CTNNBL1: variants seen among roughly 807,000 people sequenced by gnomAD.
CTNNBL1 encodes the protein beta-catenin-like protein 1.
A neutral mutation model predicts 72.7 loss-of-function variants in CTNNBL1; 31 were observed. The observed-to-expected ratio is 0.43, with a 90% CI of 0.32 to 0.58. The LOEUF is 0.58. CTNNBL1 is among the 20% of genes least tolerant of loss of function. The probability of loss-of-function intolerance (pLI) is 0.08; values close to 1 mark genes in which losing one functional copy is unlikely to be tolerated. For synonymous variants in CTNNBL1, 240 were observed against 267.3 expected (o/e 0.90, Z 1.00); for missense variants, 534 against 725.1 (o/e 0.74, Z 3.03).
chr20:37,818,712 A>G (rs987622282), intron 11 of CTNNBL1, among the ~76,000 whole-genome samples: 5 of 152,236 alleles, frequency 3.3e-5, no homozygotes, highest in African/African-American at 1.2e-4. Context: ...AATCAGAATC[A>G]CAGGAATCAG....
intron 11 of CTNNBL1, among the ~76,000 whole-genome samples, chr20:37,812,497 C>G (rs1285442875): frequency 1.3e-5 from 2 of 152,208 alleles, no homozygotes; most frequent in African/African-American, 2.4e-5. Flanking sequence ...CCTGGTTATA[C>G]TAGCACTTTT....
At chr20:37,752,453 A>G (rs2073328007) in intron 4 of CTNNBL1, among the ~76,000 whole-genome samples, 1 of 152,212 alleles carries the variant, frequency 6.6e-6, no homozygotes, top group Admixed American at 6.5e-5. Context: ...CATTTATTGC[A>G]TTAATCAGTT....
chr20:37,820,509 C>T (rs542446364), intron 11 of CTNNBL1, among the ~76,000 whole-genome samples: 1 of 152,276 alleles, frequency 6.6e-6, no homozygotes, highest in African/African-American at 2.4e-5. Context: ...CGTGTCTCAA[C>T]CCAAATCTCA....
Position 37,866,328 on chromosome 20 carries a change from A to G in CTNNBL1, c.1604-5597A>G, listed in dbSNP as rs115404355. Among the ~76,000 whole-genome samples the G allele has an allele frequency of 6.0e-3, 919 of 152,292 alleles. 8 individuals are homozygous for G. Among genetic ancestry groups the G allele is most frequent in the African/African-American group, 0.021 (872 of 41,558 alleles). On this transcript the variant is annotated intron_variant, in intron 15 of 15. Transcript: ENST00000361383. ...TGGTGGTATGCAGGGGTCGGGGGGA[A>G]CCACTCTTGGAGAACCAACTGTGCT...
intron 5 of CTNNBL1, 124 bp from the exon 6 acceptor site, chr20:37,765,073 A>G: frequency 8.6e-6 from 6 of 698,646 alleles, no homozygotes; most frequent in Non-Finnish European, 1.5e-5. Context: ...CTTGTAAACC[A>G]TAGATTGCTG....
chr20:37,706,245 C>T (rs956930876), intron 1 of CTNNBL1, among the ~76,000 whole-genome samples: 4 of 152,132 alleles, frequency 2.6e-5, no homozygotes, highest in Non-Finnish European at 2.9e-5. Flanking sequence ...CTTAAGACAA[C>T]GATGAAGTCT....
At chr20:37,836,601 A>G (rs2072256640) in intron 11 of CTNNBL1, among the ~76,000 whole-genome samples, 1 of 152,110 alleles carries the variant, frequency 6.6e-6, no homozygotes, top group South Asian at 2.1e-4. Context: ...TGCCTCCCTC[A>G]GTAATGGAAC....
At chr20:37,845,215 T>A (rs1187948834) in intron 13 of CTNNBL1, among the ~76,000 whole-genome samples, 1 of 152,172 alleles carries the variant, frequency 6.6e-6, no homozygotes, top group Non-Finnish European at 1.5e-5. Flanking sequence ...TTATTTGAGG[T>A]GCAGCTTAGA....
intron 3 of CTNNBL1, among the ~76,000 whole-genome samples, chr20:37,740,128 C>A (rs2073202724): frequency 6.6e-6 from 1 of 151,942 alleles, no homozygotes; most frequent in Non-Finnish European, 1.5e-5. Context: ...TCCATTCAGA[C>A]AAAATGTATA....
intron 1 of CTNNBL1, among the ~76,000 whole-genome samples, chr20:37,710,538 T>C (rs2072928162): frequency 6.6e-6 from 1 of 152,182 alleles, no homozygotes; most frequent in Admixed American, 6.5e-5. Context: ...ATATTTTCCA[T>C]GTTGCTTTTC....
intron 7 of CTNNBL1, among the ~76,000 whole-genome samples, chr20:37,771,685 T>C (rs2073525823): frequency 6.6e-6 from 1 of 152,170 alleles, no homozygotes; most frequent in African/African-American, 2.4e-5. Flanking sequence ...CTCTCTTCCA[T>C]TCGTATTTCT....
At chr20:37,819,007 T>C (rs562978271) in intron 11 of CTNNBL1, among the ~76,000 whole-genome samples, 1 of 152,338 alleles carries the variant, frequency 6.6e-6, no homozygotes, top group East Asian at 1.9e-4. Flanking sequence ...TTTCTTACAA[T>C]TCACTTTGCT....
At chr20:37,834,075 G>A (rs2072234712) in intron 11 of CTNNBL1, among the ~76,000 whole-genome samples, 1 of 152,182 alleles carries the variant, frequency 6.6e-6, no homozygotes, top group Non-Finnish European at 1.5e-5. Flanking sequence ...TACCATTGCA[G>A]TTGATCATGG....
chr20:37,841,302 C>T (rs777080534), intron 12 of CTNNBL1, among the ~76,000 whole-genome samples: 3 of 152,180 alleles, frequency 2.0e-5, no homozygotes, highest in Non-Finnish European at 4.4e-5. Context: ...GGTTAGGACA[C>T]GGAGATCTTA....
At chr20:37,839,666 G>T (rs1277612267) in intron 11 of CTNNBL1, among the ~76,000 whole-genome samples, 1 of 152,112 alleles carries the variant, frequency 6.6e-6, no homozygotes, top group Non-Finnish European at 1.5e-5. Context: ...TTAATTCCAG[G>T]CTGTTTACTT....
At position 37,779,086 on chromosome 20, in the gene CTNNBL1, T is replaced by G. The variant is rs1023190928; in HGVS notation, c.883-101T>G. 24 of 1,156,840 alleles carry G rather than the reference T, an allele frequency of 2.1e-5. No homozygotes were observed. The Admixed American group carries it at 4.3e-4, about 21-fold the overall frequency. The allele number at this position is 1,156,840 out of a possible 1,614,324, so 71.7% of individuals were successfully genotyped here. A position where few individuals can be genotyped will look rare whatever the true frequency, so the allele number is the denominator to read the frequency against. ...GTTTGGTGAGCTTCTGTTTCCTCAG[T>G]CGTAGAGTTATGACCCACAGGTTTT... On this transcript the variant is annotated intron_variant, in intron 9 of 15. Transcript: ENST00000361383.
At chr20:37,711,770 A>G (rs2072940060) in intron 1 of CTNNBL1, among the ~76,000 whole-genome samples, 1 of 151,920 alleles carries the variant, frequency 6.6e-6, no homozygotes, top group South Asian at 2.1e-4. Context: ...TGGGACTGGC[A>G]GTAAAGATCA....
intron 4 of CTNNBL1, among the ~76,000 whole-genome samples, chr20:37,747,252 G>A (rs1281058383): frequency 6.6e-6 from 1 of 152,012 alleles, no homozygotes; most frequent in Non-Finnish European, 1.5e-5. Flanking sequence ...GTGCACGCCT[G>A]TAGTTCCAGC....
intron 2 of CTNNBL1, among the ~76,000 whole-genome samples, chr20:37,736,457 A>G (rs1229529945): frequency 6.6e-6 from 1 of 152,218 alleles, no homozygotes; most frequent in Non-Finnish European, 1.5e-5. Context: ...AGGTAAATGT[A>G]TAATAATATT....
Sources: gnomAD v4.1 joint callset for allele counts (sites outside exome capture counted in the v4.1 genomes callset) on GRCh38, gnomAD v4.1.1 for gene constraint, MANE v1.5 for transcripts, NCBI Gene and HGNC (gene_info 2026-07-23, HGNC 2026-07-21) for gene names.